The following CLASP1 variants were observed in gnomAD, a reference collection of about 807,000 sequenced individuals.
The protein encoded by CLASP1 is cytoplasmic linker associated protein 1, also known as CLIP-associating protein 1.
Under a neutral mutation model 192.3 loss-of-function variants are expected in CLASP1, and 38 were observed. The observed-to-expected ratio is 0.20, with a 90% CI of 0.15 to 0.26. The LOEUF is 0.26. Among genes scored for constraint, CLASP1 ranks in the 10% least tolerant of loss-of-function variants. The pLI is 1.00. For missense variants in CLASP1, 1,433 were observed against 1,932.5 expected (o/e 0.74, Z 4.85); for synonymous variants, 691 against 712.8 (o/e 0.97, Z 0.49).
chr2:121,600,484 C>T lies in CLASP1; in HGVS notation c.195+5217G>A, dbSNP rs571838993. On this transcript the variant is annotated intron_variant, in intron 2 of 39. Transcript: ENST00000263710. ...CTAATCTGTCCTTGTTTAGGAATTA[C>T]TTCACCAAGAGTCAAGTCTTAATCT... is the stretch of plus-strand genomic sequence containing the variant. 3.3e-5 allele frequency among the ~76,000 whole-genome samples: 5 copies of T among 152,324 alleles called. No homozygotes were observed. The East Asian group carries it at 9.6e-4, about 29-fold the overall frequency.
chr2:121,447,733 T>A (rs968625479), intron 18 of CLASP1, among the ~76,000 whole-genome samples: 4 of 152,170 alleles, frequency 2.6e-5, no homozygotes, highest in African/African-American at 9.7e-5. Context: ...TTACATTTGT[T>A]TTCTTGTTAT....
intron 2 of CLASP1, among the ~76,000 whole-genome samples, chr2:121,600,241 C>T (rs1176894489): frequency 1.3e-5 from 2 of 152,162 alleles, no homozygotes; most frequent in African/African-American, 2.4e-5. Context: ...CAGATGTGAA[C>T]ATGCAGGCTG....
chr2:121,521,747 G>A (rs1382778171), intron 6 of CLASP1, among the ~76,000 whole-genome samples: 5 of 152,164 alleles, frequency 3.3e-5, no homozygotes, highest in African/African-American at 4.8e-5. Flanking sequence ...GAAGAGCTGA[G>A]AGAGGATTCT....
intron 37 of CLASP1, among the ~76,000 whole-genome samples, chr2:121,351,842 A>T (rs181098721): frequency 9.9e-5 from 15 of 152,234 alleles, no homozygotes; most frequent in Admixed American, 5.9e-4. Context: ...GAAGCACTGT[A>T]GAGAGGCAAT....
Position 121,395,120 on chromosome 2 carries a change from A to G in CLASP1, c.3123+2020T>C, listed in dbSNP as rs749077704. On this transcript the variant is annotated intron_variant, in intron 30 of 39. Coordinates refer to ENST00000263710, the Ensembl canonical transcript of CLASP1. ...AAGAGACTGAAATCTGCCAAGGACC[A>G]ATGAGCTGGAAGAAGACCTCAGCCT... Among the ~76,000 whole-genome samples, 22 of 152,202 alleles carry G rather than the reference A, an allele frequency of 1.4e-4. 1 individual carries two copies. Among genetic ancestry groups the G allele is most frequent in the Middle Eastern group, 3.4e-3 (1 of 294 alleles).
intron 2 of CLASP1, chr2:121,530,678 C>T (rs1349650366): frequency 5.9e-6 from 3 of 511,904 alleles, no homozygotes; most frequent in African/African-American, 1.9e-5. Context: ...GGCCGACGCG[C>T]GGTCTTCTGG....
intron 2 of CLASP1, chr2:121,531,082 A>C: frequency 1.5e-6 from 1 of 677,938 alleles, no homozygotes; most frequent in South Asian, 1.5e-5. Flanking sequence ...TTGTGGTTAA[A>C]CCAGTAGAGG....
intron 3 of CLASP1, among the ~76,000 whole-genome samples, chr2:121,528,994 T>G (rs975077955): frequency 7.2e-5 from 11 of 152,176 alleles, no homozygotes; most frequent in African/African-American, 9.7e-5. Flanking sequence ...CATGGACAGA[T>G]ACACTATTTG....
chr2:121,584,152 T>C (rs1369053153), intron 2 of CLASP1, among the ~76,000 whole-genome samples: 1 of 152,174 alleles, frequency 6.6e-6, no homozygotes, highest in Non-Finnish European at 1.5e-5. Flanking sequence ...GCTTTCTTTG[T>C]TGCCCAGACT....
At chr2:121,407,824 C>T (rs757126378) in intron 24 of CLASP1, 109 bp from the exon 26 acceptor site, 3 of 1,153,716 alleles carry the variant, frequency 2.6e-6, no homozygotes, top group Admixed American at 3.4e-5. Context: ...TGTAAAAAGA[C>T]ACATGCACAC....
At chr2:121,603,613 G>A (rs905187859) in intron 2 of CLASP1, among the ~76,000 whole-genome samples, 1 of 152,154 alleles carries the variant, frequency 6.6e-6, no homozygotes, top group Non-Finnish European at 1.5e-5. Flanking sequence ...GAATATGGAA[G>A]AGATATCTGC....
At chr2:121,387,679 T>C in intron 31 of CLASP1, 84 bp downstream of exon 32, 1 of 1,322,164 alleles carries the variant, frequency 7.6e-7, no homozygotes, top group South Asian at 1.3e-5. Flanking sequence ...GGAAACGGGG[T>C]ATTCTATTAG....
chr2:121,404,388 C>A, exon 26 of CLASP1: 1 of 1,612,490 alleles, frequency 6.2e-7, no homozygotes, highest in South Asian at 1.1e-5. Context: ...TGAGGGTCAG[C>A]AAACATCCGA....
At chr2:121,409,831 GAA>G (rs1294222833) in intron 24 of CLASP1, among the ~76,000 whole-genome samples, 1 of 152,142 alleles carries the variant, frequency 6.6e-6, no homozygotes, top group Non-Finnish European at 1.5e-5. Context: ...GCACCTGCCA[GAA>G]AAAAGTCTTT....
intron 2 of CLASP1, among the ~76,000 whole-genome samples, chr2:121,562,366 G>A (rs1030609873): frequency 2.6e-5 from 4 of 152,310 alleles, no homozygotes; most frequent in Middle Eastern, 3.4e-3. Context: ...TGCTCAGCAC[G>A]TGGCCTAGCA....
intron 28 of CLASP1, among the ~76,000 whole-genome samples, chr2:121,399,917 T>C (rs747526491): frequency 6.6e-6 from 1 of 152,340 alleles, no homozygotes. Context: ...TTCTCAAATA[T>C]GTTGCCCAAA....
intron 2 of CLASP1, among the ~76,000 whole-genome samples, chr2:121,549,923 G>A (rs1210302224): frequency 2.0e-5 from 3 of 149,004 alleles, no homozygotes; most frequent in Non-Finnish European, 4.5e-5. Context: ...GGAGAATGGC[G>A]TGAACCTGGG....
chr2:121,437,399 C>T (rs2149699443), intron 19 of CLASP1, among the ~76,000 whole-genome samples: 1 of 152,258 alleles, frequency 6.6e-6, no homozygotes, highest in South Asian at 2.1e-4. Context: ...ACTGTTAAGA[C>T]AATGAAACGA....
intron 32 of CLASP1, among the ~76,000 whole-genome samples, chr2:121,382,557 G>A (rs761958584): frequency 1.1e-4 from 16 of 152,184 alleles, no homozygotes; most frequent in Non-Finnish European, 1.9e-4. Flanking sequence ...AACGTGGAAT[G>A]TGTTTACTAC....
Sources: gnomAD v4.1 joint callset for allele counts (sites outside exome capture counted in the v4.1 genomes callset) on GRCh38, gnomAD v4.1.1 for gene constraint, MANE v1.5 for transcripts, NCBI Gene and HGNC (gene_info 2026-07-23, HGNC 2026-07-21) for gene names.